The following RIN3 variants were observed in gnomAD, a reference collection of about 807,000 sequenced individuals.
RIN3 encodes RAB5 interacting protein 3.
A neutral mutation model predicts 76.3 loss-of-function variants in RIN3; 54 were observed. The observed-to-expected ratio is 0.71, with a 90% CI of 0.57 to 0.89. The LOEUF (loss-of-function observed/expected upper bound fraction) is 0.89. Ranked by LOEUF, RIN3 falls within the 40% of genes least tolerant of loss-of-function variation. The probability of loss-of-function intolerance (pLI) is 0.00; values close to 1 mark genes in which losing one functional copy is unlikely to be tolerated. For missense variants in RIN3, 1,256 were observed against 1,322.1 expected, an observed-to-expected ratio of 0.95 and a Z score of 0.78; for synonymous variants, 576 against 564.0, an observed-to-expected ratio of 1.02 and a Z score of -0.30.
intron 1 of RIN3, among the ~76,000 whole-genome samples, chr14:92,537,606 C>T (rs1415317633): frequency 2.0e-5 from 3 of 148,204 alleles, no homozygotes; most frequent in African/African-American, 7.4e-5. Context: ...CTTATGCTTC[C>T]ACCAGCTATA....
chr14:92,544,981 G>A (rs908008891), intron 1 of RIN3, among the ~76,000 whole-genome samples: 2 of 151,910 alleles, frequency 1.3e-5, no homozygotes, highest in South Asian at 2.1e-4. Context: ...GAACTGTGGT[G>A]CGTGTTTTTT....
chr14:92,519,975 G>A (rs564624069), intron 1 of RIN3, among the ~76,000 whole-genome samples: 1 of 152,354 alleles, frequency 6.6e-6, no homozygotes, highest in African/African-American at 2.4e-5. Flanking sequence ...CCTCTGTGCA[G>A]CCTTGGCATG....
intron 8 of RIN3, among the ~76,000 whole-genome samples, chr14:92,683,144 G>A (rs1349093383): frequency 1.3e-5 from 2 of 151,988 alleles, no homozygotes; most frequent in Non-Finnish European, 2.9e-5. Flanking sequence ...TGCAGCCTGG[G>A]CAACAAGAGC....
intron 6 of RIN3, among the ~76,000 whole-genome samples, chr14:92,658,799 C>T (rs1190673418): frequency 6.6e-6 from 1 of 152,214 alleles, no homozygotes; most frequent in Non-Finnish European, 1.5e-5. Context: ...AGGCCATCAG[C>T]ATACAGCTGC....
At position 92,688,410 on chromosome 14, in the gene RIN3, G is replaced by C; in HGVS notation, c.*158G>C. ...AGGACAGTTGTGAAAATAACATGAC[G>C]CTCGTCCAAGGCCACTTCCTGAGGG... On this transcript the variant is annotated 3_prime_UTR_variant, in exon 10 of 10. Coordinates refer to ENST00000216487, the MANE Select transcript of RIN3 (RefSeq NM_024832.5). The C allele has an allele frequency of 1.4e-6, 1 of 695,040 alleles. No individual in the cohort carries two copies. The highest frequency in any genetic ancestry group is 2.3e-6 in the Non-Finnish European group (1 of 429,920). The allele number at this position is 695,040 out of a possible 1,614,324, so 43.1% of individuals were successfully genotyped here. A position where few individuals can be genotyped will look rare whatever the true frequency, so the allele number is the denominator to read the frequency against.
At chr14:92,602,889 A>C (rs571523102) in intron 3 of RIN3, among the ~76,000 whole-genome samples, 2 of 152,112 alleles carry the variant, frequency 1.3e-5, no homozygotes, top group Non-Finnish European at 2.9e-5. Context: ...GTGCAGAGCT[A>C]TCCCTTAGAA....
At chr14:92,567,653 A>G (rs936239315) in intron 2 of RIN3, among the ~76,000 whole-genome samples, 4 of 137,652 alleles carry the variant, frequency 2.9e-5, no homozygotes, top group African/African-American at 1.1e-4. Flanking sequence ...GGTCAATGCC[A>G]GTGCCAAGGC....
At chr14:92,518,789 C>CTGTGTGTGTGTGTGTGTGTGTGTGTG (rs61124300) in intron 1 of RIN3, among the ~76,000 whole-genome samples, 26 of 128,418 alleles carry the variant, frequency 2.0e-4, no homozygotes, top group African/African-American at 2.7e-4. Flanking sequence ...TAAGGGTGGC[C>CTGTGTGTGTGTGTGTGTGTGTGTGTG]TGTGTGTGTG....
chr14:92,617,486 T>A (rs1026409496), intron 4 of RIN3, among the ~76,000 whole-genome samples: 1 of 152,182 alleles, frequency 6.6e-6, no homozygotes, highest in Non-Finnish European at 1.5e-5. Flanking sequence ...CATGGTCACA[T>A]ATTTCTTTCA....
chr14:92,548,585 A>G (rs1897340009), intron 1 of RIN3, among the ~76,000 whole-genome samples: 2 of 152,128 alleles, frequency 1.3e-5, no homozygotes, highest in South Asian at 4.2e-4. Context: ...CCTCTCCCCG[A>G]GCTCCTGGTA....
At chr14:92,687,480 G>A (rs1734606031) in intron 9 of RIN3, 1 of 175,508 alleles carries the variant, frequency 5.7e-6, no homozygotes, top group African/African-American at 2.4e-5. Flanking sequence ...AGCCCTAAGG[G>A]GCTGGACTGT....
chr14:92,537,837 A>AT (rs34059728), intron 1 of RIN3, among the ~76,000 whole-genome samples: 61,862 of 120,686 alleles, frequency 0.51, 13,477 homozygotes, highest in Middle Eastern at 0.6. Flanking sequence ...ATTTTATTTT[A>AT]TTTATTTTTT....
intron 2 of RIN3, among the ~76,000 whole-genome samples, chr14:92,567,539 A>G (rs1897946515): frequency 6.6e-6 from 1 of 151,620 alleles, no homozygotes; most frequent in African/African-American, 2.4e-5. Context: ...GCTTCTTTAC[A>G]TGACAGCATA....
At chr14:92,661,507 C>T (rs561611614) in intron 7 of RIN3, among the ~76,000 whole-genome samples, 38 of 152,150 alleles carry the variant, frequency 2.5e-4, no homozygotes, top group African/African-American at 7.5e-4. Context: ...GGGCGGATCA[C>T]GAGGTCAGGA....
intron 3 of RIN3, among the ~76,000 whole-genome samples, chr14:92,582,138 C>T (rs1884567533): frequency 6.6e-6 from 1 of 152,148 alleles, no homozygotes; most frequent in African/African-American, 2.4e-5. Flanking sequence ...GTTCAGGAGC[C>T]TGACTAAAGT....
intron 3 of RIN3, among the ~76,000 whole-genome samples, chr14:92,588,956 C>T (rs185856934): frequency 1.7e-4 from 26 of 152,288 alleles, no homozygotes; most frequent in Admixed American, 7.8e-4. Flanking sequence ...GTTAGTTTGT[C>T]CTGGCCATCC....
chr14:92,551,278 G>A (rs754179281), intron 1 of RIN3, among the ~76,000 whole-genome samples: 5 of 152,174 alleles, frequency 3.3e-5, no homozygotes, highest in African/African-American at 7.2e-5. Context: ...GTGGTTGTGC[G>A]TGTGGTTAAT....
chr14:92,615,140 C>T (rs972180052), intron 3 of RIN3, among the ~76,000 whole-genome samples: 11 of 152,208 alleles, frequency 7.2e-5, no homozygotes, highest in Admixed American at 7.2e-4. Flanking sequence ...TGTACCCGGC[C>T]CGGGTATGTC....
At chr14:92,597,097 G>A (rs1333459522) in intron 3 of RIN3, among the ~76,000 whole-genome samples, 3 of 152,180 alleles carry the variant, frequency 2.0e-5, no homozygotes, top group African/African-American at 7.2e-5. Flanking sequence ...ACCATGGGGA[G>A]GTGTCACGTA....
Sources: gnomAD v4.1 joint callset for allele counts (sites outside exome capture counted in the v4.1 genomes callset) on GRCh38, gnomAD v4.1.1 for gene constraint, MANE v1.5 for transcripts, NCBI Gene and HGNC (gene_info 2026-07-23, HGNC 2026-07-21) for gene names.